CAMK1D: variants seen among roughly 807,000 people sequenced by gnomAD.
CAMK1D encodes the protein calcium/calmodulin dependent protein kinase ID, also known as calcium/calmodulin-dependent protein kinase type 1D.
A neutral mutation model predicts 47.7 loss-of-function variants in CAMK1D; 9 were observed. The observed-to-expected ratio is 0.19, with a 90% CI of 0.11 to 0.33. The LOEUF is 0.33. Ranked by LOEUF, CAMK1D falls within the 10% of genes least tolerant of loss-of-function variation. CAMK1D has a pLI of 1.00. For missense variants in CAMK1D, 291 were observed against 488.7 expected, an observed-to-expected ratio of 0.60 and a Z score of 3.81; for synonymous variants, 184 against 184.9, an observed-to-expected ratio of 0.99 and a Z score of 0.04.
At chr10:12,480,877 T>C (rs995450957) in intron 1 of CAMK1D, among the ~76,000 whole-genome samples, 37 of 152,138 alleles carry the variant, frequency 2.4e-4, no homozygotes, top group Non-Finnish European at 1.5e-4. Context: ...TTTGCAAAAA[T>C]TGTAACAGTG....
At chr10:12,627,861 C>T (rs1839266964) in intron 2 of CAMK1D, among the ~76,000 whole-genome samples, 1 of 152,118 alleles carries the variant, frequency 6.6e-6, no homozygotes, top group South Asian at 2.1e-4. Flanking sequence ...AGGCAGATCA[C>T]AAGGTCAGGA....
intron 3 of CAMK1D, among the ~76,000 whole-genome samples, chr10:12,727,963 A>G (rs1834728368): frequency 6.6e-6 from 1 of 151,958 alleles, no homozygotes; most frequent in African/African-American, 2.4e-5. Context: ...ACGGGATTTC[A>G]CCATGCTGGC....
intron 1 of CAMK1D, among the ~76,000 whole-genome samples, chr10:12,541,423 A>G (rs1050506438): frequency 6.6e-6 from 1 of 151,842 alleles, no homozygotes; most frequent in African/African-American, 2.4e-5. Context: ...GAGTGCAGTG[A>G]CGTGATCTCA....
chr10:12,680,199 G>T (rs930041351), intron 3 of CAMK1D, among the ~76,000 whole-genome samples: 1 of 152,182 alleles, frequency 6.6e-6, no homozygotes, highest in Non-Finnish European at 1.5e-5. Flanking sequence ...AAGAGATTTG[G>T]GGGAGATCTT....
Position 12,694,380 on chromosome 10 carries a change from A to T in CAMK1D, c.299+27570A>T, listed in dbSNP as rs1339830574. Among the ~76,000 whole-genome samples, 328 of 91,972 alleles carry T rather than the reference A, an allele frequency of 3.6e-3. 16 individuals carry two copies. Among genetic ancestry groups the T allele is most frequent in the South Asian group, 9.6e-3 (24 of 2,496 alleles). 60.3% of individuals were successfully genotyped at this position (91,972 alleles called of 152,430 possible). On this transcript the variant is annotated intron_variant, in intron 3 of 10. Transcript: ENST00000619168. ...TGTTATATGTTATATATAAAATATA[A>T]AATATATATGTTATATATCATATAT...
intron 1 of CAMK1D, among the ~76,000 whole-genome samples, chr10:12,400,980 G>T (rs561784237): frequency 5.0e-4 from 70 of 139,004 alleles, no homozygotes; most frequent in African/African-American, 1.8e-3. Context: ...AACAAAAAAG[G>T]AATGCCTTTT....
At chr10:12,659,531 A>G (rs963528621) in intron 2 of CAMK1D, among the ~76,000 whole-genome samples, 1 of 152,230 alleles carries the variant, frequency 6.6e-6, no homozygotes, top group African/African-American at 2.4e-5. Context: ...CCAATATTTC[A>G]GTGCTATCAC....
intron 1 of CAMK1D, among the ~76,000 whole-genome samples, chr10:12,391,417 C>G (rs1588434532): frequency 6.6e-6 from 1 of 152,196 alleles, no homozygotes; most frequent in Non-Finnish European, 1.5e-5. Flanking sequence ...AGGGTTTCCA[C>G]AGGAAGGCAG....
Position 12,698,673 on chromosome 10 carries a change from AT to A in CAMK1D, c.299+31881del, listed in dbSNP as rs573723767. Among the ~76,000 whole-genome samples the A allele has an allele frequency of 6.4e-3, 670 of 103,916 alleles. 8 individuals are homozygous for A. Among genetic ancestry groups the A allele is most frequent in the Non-Finnish European group, 9.7e-3 (517 of 53,436 alleles). 68.2% of individuals were successfully genotyped at this position (103,916 alleles called of 152,430 possible). The stretch of plus-strand genomic sequence containing the variant: ...GAAGAAAAATGATGCCCTTTAAAGA[AT>A]TTTTTTTTTTTTTTTTTGAGACGGA... On this transcript the variant is annotated intron_variant, in intron 3 of 10. Coordinates refer to ENST00000619168, the MANE Select transcript of CAMK1D (RefSeq NM_153498.4).
chr10:12,493,540 C>T (rs1354313878), intron 1 of CAMK1D, among the ~76,000 whole-genome samples: 2 of 152,106 alleles, frequency 1.3e-5, no homozygotes, highest in South Asian at 4.2e-4. Flanking sequence ...GTCACCCGGG[C>T]TGGAGTGCAG....
chr10:12,542,766 C>T (rs2492954), intron 1 of CAMK1D, among the ~76,000 whole-genome samples: 38,841 of 152,016 alleles, frequency 0.26, 5,658 homozygotes, highest in Admixed American at 0.34. Context: ...TTTTTGAGAC[C>T]GAGTCTCGCT....
At chr10:12,540,666 C>G (rs1836138312) in intron 1 of CAMK1D, among the ~76,000 whole-genome samples, 1 of 152,212 alleles carries the variant, frequency 6.6e-6, no homozygotes. Flanking sequence ...GAAAACTGAT[C>G]TGGACAGAAA....
intron 1 of CAMK1D, among the ~76,000 whole-genome samples, chr10:12,429,615 C>T (rs553946001): frequency 1.3e-5 from 2 of 152,306 alleles, no homozygotes; most frequent in Non-Finnish European, 2.9e-5. Context: ...GCTGGGATTA[C>T]AGGCGTGAGC....
intron 2 of CAMK1D, among the ~76,000 whole-genome samples, chr10:12,624,580 T>C (rs1165618794): frequency 6.6e-6 from 1 of 152,184 alleles, no homozygotes; most frequent in Non-Finnish European, 1.5e-5. Flanking sequence ...AGAATTTCCT[T>C]CTCTTGTAAG....
intron 2 of CAMK1D, among the ~76,000 whole-genome samples, chr10:12,568,603 G>A (rs974276019): frequency 7.4e-6 from 1 of 134,860 alleles, no homozygotes; most frequent in African/African-American, 2.7e-5. Context: ...TTCTTTTTCA[G>A]TATTCTTTCT....
chr10:12,600,357 C>T (rs1042767757), intron 2 of CAMK1D, among the ~76,000 whole-genome samples: 3 of 152,154 alleles, frequency 2.0e-5, no homozygotes, highest in African/African-American at 7.2e-5. Context: ...CCTACGTTTT[C>T]ACTCAGAGCT....
chr10:12,622,876 A>G (rs1311109174), intron 2 of CAMK1D, among the ~76,000 whole-genome samples: 7 of 151,996 alleles, frequency 4.6e-5, no homozygotes, highest in Non-Finnish European at 8.8e-5. Flanking sequence ...AAAGAACAGG[A>G]GAGAACTCGG....
chr10:12,564,638 G>T (rs1274220576), intron 2 of CAMK1D, among the ~76,000 whole-genome samples: 1 of 152,156 alleles, frequency 6.6e-6, no homozygotes. Flanking sequence ...TAGTTGGATA[G>T]AATTTGGTAA....
At chr10:12,708,519 A>G (rs1477423525) in intron 3 of CAMK1D, among the ~76,000 whole-genome samples, 3 of 152,162 alleles carry the variant, frequency 2.0e-5, no homozygotes, top group African/African-American at 4.8e-5. Flanking sequence ...AACACAATTT[A>G]TTTTTTCATT....
Sources: allele counts gnomAD v4.1 joint callset (sites outside exome capture counted in the v4.1 genomes callset), GRCh38; gene constraint gnomAD v4.1.1; transcripts MANE v1.5; gene names NCBI Gene and HGNC (gene_info 2026-07-23, HGNC 2026-07-21).